Variants in HTR1F observed in about 807,000 individuals in gnomAD.
HTR1F encodes 5-hydroxytryptamine (serotonin) receptor 1F, G protein-coupled.
A neutral mutation model predicts 24.0 loss-of-function variants in HTR1F; 17 were observed. The observed-to-expected ratio is 0.71, with a 90% CI of 0.48 to 1.06. HTR1F has a LOEUF of 1.06. HTR1F is among the 50% of genes least tolerant of loss of function. The pLI, the probability that HTR1F is intolerant of heterozygous loss-of-function variation, is 0.00. For missense variants in HTR1F, 391 were observed against 427.8 expected, an observed-to-expected ratio of 0.91 and a Z score of 0.76; for synonymous variants, 186 against 156.8, an observed-to-expected ratio of 1.19 and a Z score of -1.39.
chr3:87,988,951 A>G (rs530753739), intron 2 of HTR1F, among the ~76,000 whole-genome samples: 14 of 152,242 alleles, frequency 9.2e-5, no homozygotes, highest in Admixed American at 2.0e-4. Flanking sequence ...ACTTGATATA[A>G]AAATTAAGTA....
intron 2 of HTR1F, among the ~76,000 whole-genome samples, chr3:87,860,811 T>A (rs1016379726): frequency 1.3e-5 from 2 of 152,126 alleles, no homozygotes; most frequent in African/African-American, 4.8e-5. Context: ...AGAAGTCAAA[T>A]AAATAACTGC....
At chr3:87,893,935 T>C (rs1706141130) in intron 2 of HTR1F, among the ~76,000 whole-genome samples, 1 of 152,212 alleles carries the variant, frequency 6.6e-6, no homozygotes, top group Non-Finnish European at 1.5e-5. Flanking sequence ...CAAATCATCT[T>C]CCTCAGTTTA....
intron 2 of HTR1F, among the ~76,000 whole-genome samples, chr3:87,878,365 T>TAC (rs1559615931): frequency 1.1e-3 from 174 of 152,082 alleles, no homozygotes; most frequent in African/African-American, 4.1e-3. Context: ...AGGAAGTAAA[T>TAC]GCTAAATCAT....
chr3:87,914,244 A>C (rs188872542), intron 2 of HTR1F, among the ~76,000 whole-genome samples: 10 of 152,242 alleles, frequency 6.6e-5, no homozygotes, highest in Admixed American at 6.5e-4. Flanking sequence ...ATCTCAGAGA[A>C]GACCTTCAGG....
intron 1 of HTR1F, among the ~76,000 whole-genome samples, chr3:87,810,210 G>C (rs1427718060): frequency 6.6e-6 from 1 of 152,020 alleles, no homozygotes; most frequent in African/African-American, 2.4e-5. Context: ...GCTAGAAACT[G>C]ATGTAGGTCA....
At chr3:87,839,024 A>ATTTTTAT (rs1423967327) in intron 2 of HTR1F, among the ~76,000 whole-genome samples, 2 of 124,660 alleles carry the variant, frequency 1.6e-5, no homozygotes, top group African/African-American at 2.7e-5. Flanking sequence ...TTTTATTTTT[A>ATTTTTAT]TTTTTTTTTT....
intron 2 of HTR1F, among the ~76,000 whole-genome samples, chr3:87,845,315 A>C (rs1410442280): frequency 1.3e-5 from 2 of 151,842 alleles, no homozygotes; most frequent in African/African-American, 2.4e-5. Context: ...AGATGACATG[A>C]TTGTATATCT....
intron 2 of HTR1F, among the ~76,000 whole-genome samples, chr3:87,935,388 T>A (rs1704387276): frequency 6.6e-6 from 1 of 152,010 alleles, no homozygotes; most frequent in African/African-American, 2.4e-5. Flanking sequence ...TTCTTTCCTC[T>A]CAAAGGAGAG....
intron 2 of HTR1F, among the ~76,000 whole-genome samples, chr3:87,885,201 A>G (rs1705907712): frequency 6.6e-6 from 1 of 152,146 alleles, no homozygotes; most frequent in African/African-American, 2.4e-5. Context: ...TGAAAACCAC[A>G]CAACTACATG....
At chr3:87,854,765 T>C (rs542349535) in intron 2 of HTR1F, among the ~76,000 whole-genome samples, 2 of 152,178 alleles carry the variant, frequency 1.3e-5, no homozygotes, top group East Asian at 3.9e-4. Flanking sequence ...CTTTTTGCAT[T>C]TTTGTTTTGT....
chr3:87,967,713 A>T (rs1217772511), intron 2 of HTR1F, among the ~76,000 whole-genome samples: 1 of 152,174 alleles, frequency 6.6e-6, no homozygotes, highest in Non-Finnish European at 1.5e-5. Context: ...ACCATGGAAG[A>T]CATGCCTTTC....
intron 2 of HTR1F, among the ~76,000 whole-genome samples, chr3:87,833,412 C>T (rs12629896): frequency 0.065 from 9,856 of 152,176 alleles, 438 homozygotes; most frequent in East Asian, 0.16. Context: ...GGCCTCATTC[C>T]TGACCTTTTG....
rs1705857791 is a variant in HTR1F at position 87,992,416 on chromosome 3, C to T, written c.*566C>T. The T allele has an allele frequency of 3.0e-5, 5 of 166,990 alleles. 1 individual carries two copies. 10.3% of individuals were successfully genotyped at this position (166,990 alleles called of 1,614,324 possible). A position where few individuals can be genotyped will look rare whatever the true frequency, so the allele number is the denominator to read the frequency against. On this transcript the variant is annotated 3_prime_UTR_variant, in exon 3 of 3. Transcript: ENST00000319595. ...TAAAAAAGTCAGAGCTTGAAATTGT[C>T]CTTGTGTTTAGGTAGCAAAGAGTAA...
intron 2 of HTR1F, among the ~76,000 whole-genome samples, chr3:87,919,924 T>C (rs11716951): frequency 0.02 from 2,977 of 151,956 alleles, 39 homozygotes; most frequent in Non-Finnish European, 0.03. Flanking sequence ...TACATGCATG[T>C]TTATAGCAGC....
Position 87,990,728 on chromosome 3 carries a change from T to C in HTR1F, c.-22T>C. The C allele has an allele frequency of 6.3e-7, 1 of 1,581,180 alleles. No individual in the cohort carries two copies. The highest frequency in any genetic ancestry group is 8.7e-7 in the Non-Finnish European group (1 of 1,153,818). On this transcript the variant is annotated 5_prime_UTR_variant, in exon 3 of 3. Coordinates refer to ENST00000319595, the MANE Select transcript of HTR1F (RefSeq NM_001322209.2). ...TACAGGTATCCATTTTTCAGCTATA[T>C]TAATCTTTTAAAACAAAGAAAATGG...
chr3:87,980,639 G>A lies in HTR1F; in HGVS notation c.-42-10069G>A, dbSNP rs1705520291. Among the ~76,000 whole-genome samples the A allele has an allele frequency of 2.0e-5, 3 of 149,212 alleles. No homozygotes were observed. The Admixed American group carries it at 2.0e-4, about 10-fold the overall frequency. On this transcript the variant is annotated intron_variant, in intron 2 of 2. Coordinates refer to ENST00000319595, the MANE Select transcript of HTR1F (RefSeq NM_001322209.2). ...CCACCCAGGAGCCTGTCTGCCTCCT[G>A]CCACCATCAATTACATCATCCATGG... is the stretch of plus-strand genomic sequence containing the variant.
chr3:87,899,285 G>A (rs1257713319), intron 2 of HTR1F, among the ~76,000 whole-genome samples: 1 of 152,076 alleles, frequency 6.6e-6, no homozygotes, highest in East Asian at 1.9e-4. Flanking sequence ...ATACACTGTG[G>A]TATATTTTAG....
intron 2 of HTR1F, among the ~76,000 whole-genome samples, chr3:87,945,619 C>A (rs549263354): frequency 6.6e-6 from 1 of 152,072 alleles, no homozygotes; most frequent in South Asian, 2.1e-4. Flanking sequence ...AAATTGAAAG[C>A]GGAAGCTGGT....
chr3:87,883,077 C>A (rs1705846105), intron 2 of HTR1F, among the ~76,000 whole-genome samples: 1 of 151,860 alleles, frequency 6.6e-6, no homozygotes, highest in Admixed American at 6.6e-5. Flanking sequence ...AGGTGGGTGC[C>A]CCTCTGGGAT....
Sources: gnomAD v4.1 joint callset for allele counts (sites outside exome capture counted in the v4.1 genomes callset) on GRCh38, gnomAD v4.1.1 for gene constraint, MANE v1.5 for transcripts, NCBI Gene and HGNC (gene_info 2026-07-23, HGNC 2026-07-21) for gene names.